NUBPL: variants seen among roughly 807,000 people sequenced by gnomAD.
NUBPL encodes iron-sulfur cluster transfer protein NUBPL.
Under a neutral mutation model 45.7 loss-of-function variants are expected in NUBPL, and 31 were observed. That is an observed-to-expected ratio of 0.68 (90% CI 0.51 to 0.92). The LOEUF is 0.92. Among genes scored for constraint, NUBPL ranks in the 40% least tolerant of loss-of-function variants. NUBPL has a pLI of 0.00. For synonymous variants in NUBPL, 144 were observed against 140.9 expected, an observed-to-expected ratio of 1.02 and a Z score of -0.15; for missense variants, 401 against 398.7, an observed-to-expected ratio of 1.01 and a Z score of -0.05.
chr14:31,666,263 A>ATATATATATATATATATATT, intron 4 of NUBPL, among the ~76,000 whole-genome samples: 3 of 111,874 alleles, frequency 2.7e-5, no homozygotes, highest in East Asian at 3.4e-4. Flanking sequence ...ATATATATAT[A>ATATATATATATATATATATT]ATTTTATTTT....
chr14:31,704,463 A>C (rs916908539), intron 6 of NUBPL, among the ~76,000 whole-genome samples: 2 of 152,156 alleles, frequency 1.3e-5, no homozygotes, highest in Non-Finnish European at 2.9e-5. Flanking sequence ...CGGGAGTTTG[A>C]GACCAGCCTG....
At chr14:31,602,071 G>A (rs2139566750) in intron 4 of NUBPL, among the ~76,000 whole-genome samples, 1 of 152,254 alleles carries the variant, frequency 6.6e-6, no homozygotes, top group Middle Eastern at 3.4e-3. Flanking sequence ...AAAAAATGAT[G>A]AGTTCATGTT....
chr14:31,657,994 C>G (rs2036180568), intron 4 of NUBPL, among the ~76,000 whole-genome samples: 1 of 152,068 alleles, frequency 6.6e-6, no homozygotes, highest in African/African-American at 2.4e-5. Context: ...TTGAGAATAA[C>G]AGAAATCTAC....
intron 6 of NUBPL, among the ~76,000 whole-genome samples, chr14:31,687,910 C>CT (rs1451279221): frequency 1.3e-5 from 2 of 152,122 alleles, no homozygotes; most frequent in Admixed American, 6.6e-5. Context: ...TGAATCCAAC[C>CT]TAAGGACCAT....
chr14:31,833,221 T>C (rs535883802), intron 8 of NUBPL, among the ~76,000 whole-genome samples: 1 of 151,940 alleles, frequency 6.6e-6, no homozygotes. Flanking sequence ...AATAAAAAAT[T>C]AGCCAAGTAT....
intron 4 of NUBPL, among the ~76,000 whole-genome samples, chr14:31,619,720 T>C (rs2035008094): frequency 6.6e-6 from 1 of 152,178 alleles, no homozygotes; most frequent in Non-Finnish European, 1.5e-5. Flanking sequence ...CTTAGCATTG[T>C]TTCCTTTATT....
intron 7 of NUBPL, among the ~76,000 whole-genome samples, chr14:31,826,061 A>G (rs1336129599): frequency 6.6e-6 from 1 of 152,088 alleles, no homozygotes; most frequent in African/African-American, 2.4e-5. Flanking sequence ...AATGAGAAGA[A>G]AGTTCCACTG....
chr14:31,812,947 C>G (rs2039838797), intron 7 of NUBPL, among the ~76,000 whole-genome samples: 1 of 150,926 alleles, frequency 6.6e-6, no homozygotes, highest in African/African-American at 2.4e-5. Context: ...CCCAGTGGTT[C>G]CTAAGTGAAC....
chr14:31,809,839 A>T (rs1292152274), intron 7 of NUBPL, among the ~76,000 whole-genome samples: 5 of 108,140 alleles, frequency 4.6e-5, no homozygotes, highest in Admixed American at 3.0e-4. Context: ...TTGGTTTCAA[A>T]GAACATTTTT....
intron 7 of NUBPL, among the ~76,000 whole-genome samples, chr14:31,811,179 G>T (rs905345097): frequency 1.3e-5 from 2 of 152,104 alleles, no homozygotes; most frequent in African/African-American, 2.4e-5. Flanking sequence ...TGCTGGGCTG[G>T]GGAAGTTCTC....
rs954827969 is a variant in NUBPL, at chr14:31,571,264, T to C, written c.291+6216T>C. On this transcript the variant is annotated intron_variant, in intron 3 of 10. Transcript: ENST00000281081. Reference sequence around the variant, plus strand: ...GCTTGTTGAGGGGATTGAGTGATGATAGAAATTCAGGCTACCCTCCTCTTG... The same window carrying C: ...GCTTGTTGAGGGGATTGAGTGATGACAGAAATTCAGGCTACCCTCCTCTTG... Among the ~76,000 whole-genome samples the C allele has an allele frequency of 4.0e-5, 6 of 151,836 alleles. No homozygotes were observed. The East Asian group carries it at 1.2e-3, about 29-fold the overall frequency.
intron 6 of NUBPL, among the ~76,000 whole-genome samples, chr14:31,700,912 C>T (rs1018020022): frequency 5.3e-5 from 8 of 152,290 alleles, no homozygotes; most frequent in African/African-American, 7.2e-5. Context: ...TCCCATCGAC[C>T]GCCCAAGGGC....
At chr14:31,574,499 AAG>A (rs2033667692) in intron 3 of NUBPL, among the ~76,000 whole-genome samples, 1 of 151,558 alleles carries the variant, frequency 6.6e-6, no homozygotes, top group Admixed American at 6.6e-5. Flanking sequence ...TCCTGACCTC[AAG>A]AGATCTGCCC....
chr14:31,652,167 A>G (rs1292417959), intron 4 of NUBPL, among the ~76,000 whole-genome samples: 1 of 152,206 alleles, frequency 6.6e-6, no homozygotes, highest in Admixed American at 6.5e-5. Flanking sequence ...AAGCTGGAAG[A>G]CATTAAGCTT....
At position 31,733,306 on chromosome 14, in the gene NUBPL, T is replaced by C. The variant is rs545694386; in HGVS notation, c.514-54474T>C. 3.3e-5 allele frequency among the ~76,000 whole-genome samples: 5 copies of C among 152,302 alleles called. No individual in the cohort carries two copies. In the East Asian group the frequency reaches 9.6e-4, roughly 29 times the overall value. ...CTGTAGAGTAAGGCTTCTGGATTTG[T>C]TTGTAAAGATTATTTTGGGCATTTT... On this transcript the variant is annotated intron_variant, in intron 6 of 10. Coordinates refer to ENST00000281081, the MANE Select transcript of NUBPL (RefSeq NM_025152.3).
chr14:31,618,817 G>C (rs995710330), intron 4 of NUBPL, among the ~76,000 whole-genome samples: 2 of 152,110 alleles, frequency 1.3e-5, no homozygotes, highest in Admixed American at 1.3e-4. Flanking sequence ...TGAACTCAGA[G>C]CTGAGTTCAA....
rs148817329 is a variant in NUBPL at position 31,668,409 on chromosome 14, C to T, written c.383-4946C>T. ...CTCAGTATTGGTTGACGCCCCTCTC[C>T]GTGCCAAGCTCTATTGTCCCAGGTT... On this transcript the variant is annotated intron_variant, in intron 4 of 10. Transcript: ENST00000281081. Among the ~76,000 whole-genome samples the T allele has an allele frequency of 6.0e-4, 92 of 152,282 alleles. 2 individuals carry two copies. In the East Asian group the frequency reaches 0.016, roughly 26 times the overall value.
At chr14:31,811,272 G>A (rs565400467) in intron 7 of NUBPL, among the ~76,000 whole-genome samples, 8 of 151,800 alleles carry the variant, frequency 5.3e-5, no homozygotes, top group Non-Finnish European at 1.2e-4. Context: ...ATGTAGACTT[G>A]GTCTGTTCAC....
At chr14:31,614,494 T>C (rs184575123) in intron 4 of NUBPL, among the ~76,000 whole-genome samples, 1 of 152,260 alleles carries the variant, frequency 6.6e-6, no homozygotes, top group Middle Eastern at 3.4e-3. Context: ...CAGACACACA[T>C]ACATGTGTAT....
Sources: allele counts gnomAD v4.1 joint callset (sites outside exome capture counted in the v4.1 genomes callset), GRCh38; gene constraint gnomAD v4.1.1; transcripts MANE v1.5; gene names NCBI Gene and HGNC (gene_info 2026-07-23, HGNC 2026-07-21).